Variants in RNF10 observed in about 807,000 individuals in gnomAD.
The protein encoded by RNF10 is E3 ubiquitin-protein ligase RNF10.
Under a neutral mutation model 91.4 loss-of-function variants are expected in RNF10, and 38 were observed. That is an observed-to-expected ratio of 0.42 (90% CI 0.32 to 0.54). The LOEUF is 0.54. RNF10 is among the 20% of genes least tolerant of loss of function. The pLI, the probability that RNF10 is intolerant of heterozygous loss-of-function variation, is 0.16. For synonymous variants in RNF10, 364 were observed against 366.3 expected, an observed-to-expected ratio of 0.99 and a Z score of 0.07; for missense variants, 945 against 1,012.0, an observed-to-expected ratio of 0.93 and a Z score of 0.90.
At chr12:120,551,073 C>T (rs114353985) in intron 2 of RNF10, among the ~76,000 whole-genome samples, 2,957 of 151,312 alleles carry the variant, frequency 0.02, 96 homozygotes, top group African/African-American at 0.068. Flanking sequence ...GCAGCCTTGA[C>T]CTACTGGGCT....
rs58304342 is a variant in RNF10 at position 120,569,538 on chromosome 12, C to CTTTTTTTTTTTTTTTTTTTTTTTTT, written c.2042-1642_2042-1641insTTTTTTTTTTTTTTTTTTTTTTTTT. On this transcript the variant is annotated intron_variant, in intron 13 of 16. Coordinates refer to ENST00000325954, the MANE Select transcript of RNF10 (RefSeq NM_014868.5). ...TAAATACATTATTTGTGATATGCAT[C>CTTTTTTTTTTTTTTTTTTTTTTTTT]TTTTTTTTTTTGAGACAGGGTCTCG... Among the ~76,000 whole-genome samples, 2 of 115,240 alleles carry CTTTTTTTTTTTTTTTTTTTTTTTTT rather than the reference C, an allele frequency of 1.7e-5. 1 individual carries two copies. The allele number at this position is 115,240 out of a possible 152,430, so 75.6% of individuals were successfully genotyped here.
In RNF10 at chr12:120,565,503, T is replaced by C. The variant is rs1214888730; in HGVS notation, c.1859T>C (p.Ile620Thr). Reference sequence around the variant, plus strand: ...CGCCGCCGAGAGCGCAGGATTGAGATAGAGGAGAACAAGAAACAGGGCAAG... The same window carrying C: ...CGCCGCCGAGAGCGCAGGATTGAGACAGAGGAGAACAAGAAACAGGGCAAG... ...EERRRERRIE[I>T]EENKKQGKYP... The change falls in exon 12 of 17, where the codon ATA becomes ACA. Residue 620 changes from isoleucine to threonine, a missense_variant. Ile to Thr is a moderately conservative substitution (Grantham distance 89). Coordinates refer to ENST00000325954, the MANE Select transcript of RNF10 (RefSeq NM_014868.5). 6.2e-7 allele frequency: 1 copy of C among 1,613,486 alleles called. No individual in the cohort carries two copies.
intron 9 of RNF10, 88 bp from the exon 10 acceptor site, chr12:120,563,722 G>GCA: frequency 6.3e-7 from 1 of 1,583,092 alleles, no homozygotes; most frequent in Non-Finnish European, 8.6e-7. Flanking sequence ...TGTGGCTTGG[G>GCA]TGGCTTGAGC....
At position 120,560,997 on chromosome 12, in the gene RNF10, G is replaced by T. The variant is rs1449666111; in HGVS notation, c.1128+111G>T. ...TGTCGGGGGTGAGATGATGGACGCT[G>T]GGGATTAAGTTAGTTCCATTCCACA... On this transcript the variant is annotated intron_variant, in intron 7 of 16. Transcript: ENST00000325954. The T allele has an allele frequency of 1.4e-5, 15 of 1,106,216 alleles. No individual in the cohort carries two copies. The South Asian group carries it at 1.6e-4, about 12-fold the overall frequency. The allele number at this position is 1,106,216 out of a possible 1,614,324, so 68.5% of individuals were successfully genotyped here.
At chr12:120,542,600 T>C (rs1301903118) in intron 1 of RNF10, among the ~76,000 whole-genome samples, 3 of 152,254 alleles carry the variant, frequency 2.0e-5, no homozygotes, top group African/African-American at 7.2e-5. Context: ...CTGCCCAGGC[T>C]GGAGTGCAGT....
chr12:120,536,573 C>T (rs904120469), intron 1 of RNF10, among the ~76,000 whole-genome samples: 10 of 152,060 alleles, frequency 6.6e-5, no homozygotes, highest in Non-Finnish European at 1.2e-4. Context: ...GTTCTCGGGC[C>T]GTGTCAGGAA....
intron 1 of RNF10, among the ~76,000 whole-genome samples, chr12:120,545,064 T>C (rs1872113988): frequency 6.6e-6 from 1 of 152,248 alleles, no homozygotes; most frequent in Non-Finnish European, 1.5e-5. Flanking sequence ...AAATGGAGAT[T>C]AAAAGGAAAA....
In RNF10 at chr12:120,546,526, C is replaced by T. The variant is rs749122189; in HGVS notation, c.279C>T (p.Asn93=). 2 of 1,614,174 alleles carry T rather than the reference C, an allele frequency of 1.2e-6. No individual in the cohort carries two copies. The highest frequency in any genetic ancestry group is 1.3e-5 in the African/African-American group (1 of 75,060). Residue 93 remains asparagine (N), a synonymous_variant, in exon 2 of 17, where the codon AAC becomes AAT. Coordinates refer to ENST00000325954, the MANE Select transcript of RNF10 (RefSeq NM_014868.5). ...GTTCACAGAAAAGCAAGACTTTTAA[C>T]AAGATGCCTCCTCAAAGGGGCGGCG... ...RSSSQKSKTF[N]KMPPQRGGGS... is the part of the protein sequence containing the mutation.
intron 4 of RNF10, among the ~76,000 whole-genome samples, chr12:120,555,864 C>T (rs1446252593): frequency 1.3e-5 from 2 of 151,690 alleles, no homozygotes; most frequent in Non-Finnish European, 2.9e-5. Context: ...TGTTGGCTCA[C>T]TGTAACCTCC....
chr12:120,540,574 A>G (rs538418462), intron 1 of RNF10, among the ~76,000 whole-genome samples: 102 of 152,250 alleles, frequency 6.7e-4, no homozygotes, highest in Non-Finnish European at 7.1e-4. Context: ...GGTACCTTCA[A>G]CCTTTAGCTG....
chr12:120,560,957 T>C lies in RNF10; in HGVS notation c.1128+71T>C. 1.3e-6 allele frequency: 2 copies of C among 1,501,580 alleles called. 1 individual carries two copies. Among genetic ancestry groups the C allele is most frequent in the Non-Finnish European group, 1.8e-6 (2 of 1,095,354 alleles). 93.0% of individuals were successfully genotyped at this position (1,501,580 alleles called of 1,614,324 possible). A position where few individuals can be genotyped will look rare whatever the true frequency, so the allele number is the denominator to read the frequency against. ...GTTCTGTGGTGAAAACCAGAAATGC[T>C]AAACCTTTTCACTCTGTCGGGGGTG... On this transcript the variant is annotated intron_variant, in intron 7 of 16. Coordinates refer to ENST00000325954, the MANE Select transcript of RNF10 (RefSeq NM_014868.5).
chr12:120,576,113 G>C (rs1877360100), intron 16 of RNF10, among the ~76,000 whole-genome samples, 163 bp downstream of exon 16: 1 of 152,240 alleles, frequency 6.6e-6, no homozygotes, highest in Non-Finnish European at 1.5e-5. Flanking sequence ...TGGTATGTCA[G>C]ATAGGACCTA....
Position 120,563,518 on chromosome 12 carries a change from A to C in RNF10, c.1426A>C (p.Asn476His). 6.2e-7 allele frequency: 1 copy of C among 1,614,144 alleles called. No homozygotes were observed. Among genetic ancestry groups the C allele is most frequent in the Non-Finnish European group, 8.5e-7 (1 of 1,180,026 alleles). Residue 476 changes from asparagine (N) to histidine (H), a missense_variant, in exon 9 of 17, where the codon AAT becomes CAT. Transcript: ENST00000325954. ...TGATGACTTGGAGTTAGCAGATGAC[A>C]ATCTTAAAGAGGGGACCATTTGCAC... ...ACDDLELADD[N>H]LKEGTICTES...
At chr12:120,565,830 T>A (rs960503830) in intron 12 of RNF10, among the ~76,000 whole-genome samples, 3 of 152,224 alleles carry the variant, frequency 2.0e-5, no homozygotes, top group Non-Finnish European at 4.4e-5. Context: ...TCGTTCCCCA[T>A]GCTCTCTGGA....
intron 13 of RNF10, among the ~76,000 whole-genome samples, chr12:120,568,824 T>G (rs7973555): frequency 0.16 from 24,750 of 151,962 alleles, 2,576 homozygotes; most frequent in African/African-American, 0.3. Flanking sequence ...GATGCATTCA[T>G]TAGCTCACTG....
At chr12:120,557,080 C>T (rs1293608964) in intron 4 of RNF10, among the ~76,000 whole-genome samples, 4 of 112,366 alleles carry the variant, frequency 3.6e-5, no homozygotes, top group South Asian at 3.1e-4. Flanking sequence ...GGAGATGGAC[C>T]GTCTCAAAAA....
intron 1 of RNF10, among the ~76,000 whole-genome samples, chr12:120,540,745 C>G (rs758646358): frequency 3.9e-5 from 6 of 152,158 alleles, no homozygotes; most frequent in Non-Finnish European, 7.3e-5. Context: ...GAGCAGTTTA[C>G]TGTCTTATCA....
chr12:120,564,421 G>A (rs1875365021), intron 10 of RNF10, among the ~76,000 whole-genome samples: 1 of 152,090 alleles, frequency 6.6e-6, no homozygotes, highest in Non-Finnish European at 1.5e-5. Flanking sequence ...CAGATTGCTT[G>A]AGGCTAGGAG....
At chr12:120,564,508 C>T (rs1015494924) in intron 10 of RNF10, among the ~76,000 whole-genome samples, 2 of 152,084 alleles carry the variant, frequency 1.3e-5, no homozygotes, top group Non-Finnish European at 2.9e-5. Flanking sequence ...ACCTGTTGTC[C>T]CAGCTCCTCA....
Sources: gnomAD v4.1 joint callset for allele counts (sites outside exome capture counted in the v4.1 genomes callset) on GRCh38, gnomAD v4.1.1 for gene constraint, MANE v1.5 for transcripts, NCBI Gene and HGNC (gene_info 2026-07-23, HGNC 2026-07-21) for gene names.